OR2L8: variants seen among roughly 807,000 people sequenced by gnomAD.
OR2L8 encodes olfactory receptor family 2 subfamily L member 8, also known as olfactory receptor 2L8.
For synonymous variants in OR2L8, 123 were observed against 138.6 expected (o/e 0.89, Z 0.79); for missense variants, 324 against 376.0 (o/e 0.86, Z 1.14).
At position 247,949,100 on chromosome 1, in the gene OR2L8, A is replaced by G. The variant is rs774263539; in HGVS notation, c.243A>G (p.Ala81=). The G allele has an allele frequency of 4.3e-6, 7 of 1,613,936 alleles. No individual in the cohort carries two copies. In the South Asian group the frequency reaches 4.4e-5, roughly 10 times the overall value. Residue 81 remains alanine (A), a synonymous_variant, in exon 1 of 1, where the codon GCA becomes GCG. Transcript: ENST00000623922. ...TCTCCACCATTGTTCCTAAGATGGC[A>G]TCTGATTTTCTGCATGGAAACAAGT... ...NYISTIVPKM[A]SDFLHGNKSI... is the part of the protein sequence containing the mutation.
At position 247,949,476 on chromosome 1, in the gene OR2L8, G is replaced by A. The variant is rs752652236; in HGVS notation, c.619G>A (p.Val207Met). Residue 207 changes from valine (V) to methionine (M), a missense_variant, in exon 1 of 1, where the codon GTG becomes ATG. Val to Met is a conservative substitution (Grantham distance 21, BLOSUM62 1). Coordinates refer to ENST00000623922, the MANE Select transcript of OR2L8 (RefSeq NM_001001963.1). ...TVFLSATIFL[V>M]FPFIGISCSY... ...GTTTTTGAGTGCCACCATCTTTCTC[G>A]TGTTTCCCTTCATTGGTATTTCATG... 46 of 1,609,484 alleles carry A rather than the reference G, an allele frequency of 2.9e-5. No individual in the cohort carries two copies. The highest frequency in any genetic ancestry group is 1.7e-4 in the African/African-American group (13 of 74,916).
At position 247,949,101 on chromosome 1, in the gene OR2L8, T is replaced by A. The variant is rs759096219; in HGVS notation, c.244T>A (p.Ser82Thr). 1.9e-6 allele frequency: 3 copies of A among 1,613,948 alleles called. No homozygotes were observed. The highest frequency in any genetic ancestry group is 2.5e-6 in the Non-Finnish European group (3 of 1,179,852). Residue 82 changes from serine (S) to threonine (T), a missense_variant, in exon 1 of 1, where the codon TCT becomes ACT. Ser to Thr is a moderately conservative substitution (Grantham distance 58, BLOSUM62 1). Transcript: ENST00000623922. ...YISTIVPKMA[S>T]DFLHGNKSIS... ...CTCCACCATTGTTCCTAAGATGGCA[T>A]CTGATTTTCTGCATGGAAACAAGTC...
chr1:247,949,773 A>T lies in OR2L8; in HGVS notation c.916A>T (p.Arg306Ter). The change falls in exon 1 of 1, where the codon AGA becomes TGA. Residue 306 changes from arginine to a stop codon, truncating the protein, a stop_gained. Coordinates refer to ENST00000623922, the MANE Select transcript of OR2L8 (RefSeq NM_001001963.1). LOFTEE classifies it low-confidence loss of function (END_TRUNC). ...GGGGGCCCTGACACGAGTGAGTCAG[A>T]GAATCTGCTCTGTGAAAATGTAGAA... is the stretch of plus-strand genomic sequence containing the variant. ...VMGALTRVSQ[R>*]ICSVKM 6.2e-7 allele frequency: 1 copy of T among 1,611,924 alleles called. No individual in the cohort carries two copies.
At position 247,949,526 on chromosome 1, in the gene OR2L8, T is replaced by C. The variant is rs1332060869; in HGVS notation, c.669T>C (p.Ala223=). 1.2e-6 allele frequency: 2 copies of C among 1,613,992 alleles called. No individual in the cohort carries two copies. The highest frequency in any genetic ancestry group is 1.7e-6 in the Non-Finnish European group (2 of 1,179,996). ...GTTCCTATGGCCAGGTTCTCTTTGC[T>C]GTCTACCACATGAAATCTGCAGAAG... is the stretch of plus-strand genomic sequence containing the variant. ...ISCSYGQVLF[A]VYHMKSAEGR... The change falls in exon 1 of 1, where the codon GCT becomes GCC. Residue 223 remains alanine, a synonymous_variant. Transcript: ENST00000623922.
chr1:247,949,158 T>G lies in OR2L8; in HGVS notation c.301T>G (p.Phe101Val). 6.8e-6 allele frequency: 11 copies of G among 1,614,116 alleles called. No individual in the cohort carries two copies. Among genetic ancestry groups the G allele is most frequent in the Non-Finnish European group, 9.3e-6 (11 of 1,179,984 alleles). The change falls in exon 1 of 1, where the codon TTC (phenylalanine) becomes GTC (valine). Residue 101 changes from phenylalanine (F) to valine (V), a missense_variant. Physicochemically the swap from Phe to Val is conservative, Grantham distance 50. Coordinates refer to ENST00000623922, the MANE Select transcript of OR2L8 (RefSeq NM_001001963.1). ...ISFTGCGIQSFFFLALGGAEA... is the reference protein window; with the variant it reads ...ISFTGCGIQSVFFLALGGAEA... ...CTTCACTGGGTGTGGGATTCAGAGT[T>G]TCTTCTTCTTGGCATTAGGAGGTGC...
In OR2L8 at chr1:247,948,948, G is replaced by A. The variant is rs1322592334; in HGVS notation, c.91G>A (p.Val31Ile). The stretch of plus-strand genomic sequence containing the variant: ...TGACCTTTTCTTCTTCATTCTCATT[G>A]TTTTCATTTTCCTGATGGCTCTAAT... ...RIDLFFFILIVFIFLMALIGN... is the reference protein window; with the variant it reads ...RIDLFFFILIIFIFLMALIGN... Residue 31 changes from valine (V) to isoleucine (I), a missense_variant, in exon 1 of 1, where the codon GTT (valine) becomes ATT (isoleucine). By Grantham distance (29) the Val-to-Ile change is conservative. Transcript: ENST00000623922. 6.2e-7 allele frequency: 1 copy of A among 1,613,726 alleles called. No individual in the cohort carries two copies.
rs762902268 is a variant in OR2L8 at position 247,948,980 on chromosome 1, C to T, written c.123C>T (p.Asn41=). 17 of 1,613,812 alleles carry T rather than the reference C, an allele frequency of 1.1e-5. No individual in the cohort carries two copies. The South Asian group carries it at 1.9e-4, about 18-fold the overall frequency. Residue 41 remains asparagine (N), a synonymous_variant, in exon 1 of 1, where the codon AAC becomes AAT. Transcript: ENST00000623922. ...VFIFLMALIG[N]LSMILLIFLD... is the part of the protein sequence containing the mutation. ...TTTTCCTGATGGCTCTAATTGGAAA[C>T]CTGTCCATGATTCTTCTCATCTTCT...
chr1:247,949,015 A>G lies in OR2L8; in HGVS notation c.158A>G (p.His53Arg), dbSNP rs1387968729. The change falls in exon 1 of 1, where the codon CAT (histidine) becomes CGT (arginine). Residue 53 changes from histidine to arginine, a missense_variant. Physicochemically the swap from His to Arg is conservative, Grantham distance 29. Transcript: ENST00000623922. Reference sequence around the variant, plus strand: ...ATTCTTCTCATCTTCTTGGACACCCATCTCCACACACCCATGTATTTCCTA... The same window carrying G: ...ATTCTTCTCATCTTCTTGGACACCCGTCTCCACACACCCATGTATTTCCTA... Reference protein sequence around the residue: ...SMILLIFLDTHLHTPMYFLLS... With the variant: ...SMILLIFLDTRLHTPMYFLLS... 3 of 1,613,824 alleles carry G rather than the reference A, an allele frequency of 1.9e-6. No individual in the cohort carries two copies. The highest frequency in any genetic ancestry group is 2.2e-5 in the East Asian group (1 of 44,878).
Position 247,949,272 on chromosome 1 carries a change from G to T in OR2L8, c.415G>T (p.Val139Leu), listed in dbSNP as rs760286360. 14 of 1,614,020 alleles carry T rather than the reference G, an allele frequency of 8.7e-6. No homozygotes were observed. The South Asian group carries it at 1.4e-4, about 16-fold the overall frequency. ...LHYLIRMSKR[V>L]CVLMITGSWI... Reference sequence around the variant, plus strand: ...CTATCTCATCCGCATGAGCAAAAGAGTGTGTGTGCTGATGATAACAGGGTC... The same window carrying T: ...CTATCTCATCCGCATGAGCAAAAGATTGTGTGTGCTGATGATAACAGGGTC... The change falls in exon 1 of 1, where the codon GTG becomes TTG. Residue 139 changes from valine (V) to leucine (L), a missense_variant. Coordinates refer to ENST00000623922, the MANE Select transcript of OR2L8 (RefSeq NM_001001963.1).
Position 247,949,335 on chromosome 1 carries a change from G to C in OR2L8, c.478G>C (p.Val160Leu), listed in dbSNP as rs1384148719. 5 of 1,614,040 alleles carry C rather than the reference G, an allele frequency of 3.1e-6. No homozygotes were observed. The African/African-American group carries it at 6.7e-5, about 22-fold the overall frequency. The change falls in exon 1 of 1, where the codon GTA becomes CTA. Residue 160 changes from valine (V) to leucine (L), a missense_variant. By Grantham distance (32) the Val-to-Leu change is conservative. Transcript: ENST00000623922. ...IGSINACAHT[V>L]YVLHIPYCRS... ...CTCGATCAATGCTTGTGCTCACACT[G>C]TATATGTACTCCATATTCCTTATTG...
At position 247,949,168 on chromosome 1, in the gene OR2L8, T is replaced by G. The variant is rs140224206; in HGVS notation, c.311T>G (p.Leu104Trp). 1 of 1,613,990 alleles carries G rather than the reference T, an allele frequency of 6.2e-7. No individual in the cohort carries two copies. Among genetic ancestry groups the G allele is most frequent in the Non-Finnish European group, 8.5e-7 (1 of 1,179,964 alleles). Reference sequence around the variant, plus strand: ...TGTGGGATTCAGAGTTTCTTCTTCTTGGCATTAGGAGGTGCAGAAGCACTA... The same window carrying G: ...TGTGGGATTCAGAGTTTCTTCTTCTGGGCATTAGGAGGTGCAGAAGCACTA... ...TGCGIQSFFF[L>W]ALGGAEALLL... is the part of the protein sequence containing the mutation. Residue 104 changes from leucine to tryptophan, a missense_variant, in exon 1 of 1, where the codon TTG becomes TGG. Coordinates refer to ENST00000623922, the MANE Select transcript of OR2L8 (RefSeq NM_001001963.1).
At position 247,949,258 on chromosome 1, in the gene OR2L8, G is replaced by T. The variant is rs57818366; in HGVS notation, c.401G>T (p.Arg134Leu). 1,845 of 1,614,124 alleles carry T rather than the reference G, an allele frequency of 1.1e-3. 18 individuals carry two copies. Among genetic ancestry groups the T allele is most frequent in the Non-Finnish European group, 4.5e-4 (528 of 1,180,008 alleles). Residue 134 changes from arginine (R) to leucine (L), a missense_variant, in exon 1 of 1, where the codon CGC becomes CTC. Arg to Leu is a moderately radical substitution (Grantham distance 102). Transcript: ENST00000623922. The part of the protein sequence containing the change: ...AICFPLHYLI[R>L]MSKRVCVLMI... ...TGCTTTCCTCTCCACTATCTCATCC[G>T]CATGAGCAAAAGAGTGTGTGTGCTG...
chr1:247,949,593 G>A lies in OR2L8; in HGVS notation c.736G>A (p.Val246Ile), dbSNP rs371086314. The A allele has an allele frequency of 2.5e-5, 41 of 1,613,916 alleles. No homozygotes were observed. Among genetic ancestry groups the A allele is most frequent in the Non-Finnish European group, 3.1e-5 (37 of 1,179,980 alleles). The stretch of plus-strand genomic sequence containing the variant: ...TTTGACCTGCAGCACCCACCTCACT[G>A]TAGTAACTTTCTACTATGCACCTTT... ...AYLTCSTHLTVVTFYYAPFVY... is the reference protein window; with the variant it reads ...AYLTCSTHLTIVTFYYAPFVY... Residue 246 changes from valine to isoleucine, a missense_variant, in exon 1 of 1, where the codon GTA (valine) becomes ATA (isoleucine). Val to Ile is a conservative substitution (Grantham distance 29). Coordinates refer to ENST00000623922, the MANE Select transcript of OR2L8 (RefSeq NM_001001963.1).
In OR2L8 at chr1:247,949,503, T is replaced by C; in HGVS notation, c.646T>C (p.Ser216Pro). Residue 216 changes from serine to proline, a missense_variant, in exon 1 of 1, where the codon TCC (serine) becomes CCC (proline). Coordinates refer to ENST00000623922, the MANE Select transcript of OR2L8 (RefSeq NM_001001963.1). ...GTTTCCCTTCATTGGTATTTCATGT[T>C]CCTATGGCCAGGTTCTCTTTGCTGT... The part of the protein sequence containing the change: ...LVFPFIGISC[S>P]YGQVLFAVYH... The C allele has an allele frequency of 6.2e-7, 1 of 1,613,838 alleles. No individual in the cohort carries two copies. Among genetic ancestry groups the C allele is most frequent in the Non-Finnish European group, 8.5e-7 (1 of 1,179,730 alleles).
rs538787027 is a variant in OR2L8, at chr1:247,948,891, A to G, written c.34A>G (p.Ile12Val). ...TTACAATCAAACATCAACTGATTTC[A>G]TCTTATTGGGGCTGTTTCCACCATC... The part of the protein sequence containing the change: ...ENYNQTSTDF[I>V]LLGLFPPSRI... Residue 12 changes from isoleucine to valine, a missense_variant, in exon 1 of 1, where the codon ATC (isoleucine) becomes GTC (valine). Coordinates refer to ENST00000623922, the MANE Select transcript of OR2L8 (RefSeq NM_001001963.1). 3.1e-6 allele frequency: 5 copies of G among 1,611,766 alleles called. No homozygotes were observed. Among genetic ancestry groups the G allele is most frequent in the African/African-American group, 1.3e-5 (1 of 74,802 alleles).
Position 247,949,249 on chromosome 1 carries a change from A to C in OR2L8, c.392A>C (p.Tyr131Ser), listed in dbSNP as rs751730013. 1.2e-6 allele frequency: 2 copies of C among 1,614,062 alleles called. No homozygotes were observed. Among genetic ancestry groups the C allele is most frequent in the African/African-American group, 1.3e-5 (1 of 74,930 alleles). Residue 131 changes from tyrosine (Y) to serine (S), a missense_variant, in exon 1 of 1, where the codon TAT becomes TCT. Physicochemically the swap from Tyr to Ser is moderately radical, Grantham distance 144. Coordinates refer to ENST00000623922, the MANE Select transcript of OR2L8 (RefSeq NM_001001963.1). The part of the protein sequence containing the change: ...RYIAICFPLH[Y>S]LIRMSKRVCV... ...ATTGCTATTTGCTTTCCTCTCCACT[A>C]TCTCATCCGCATGAGCAAAAGAGTG...
At position 247,948,976 on chromosome 1, in the gene OR2L8, G is replaced by A; in HGVS notation, c.119G>A (p.Gly40Glu). The A allele has an allele frequency of 6.2e-7, 1 of 1,613,726 alleles. No individual in the cohort carries two copies. The highest frequency in any genetic ancestry group is 8.5e-7 in the Non-Finnish European group (1 of 1,179,804). The change falls in exon 1 of 1, where the codon GGA (glycine) becomes GAA (glutamate). Residue 40 changes from glycine to glutamate, a missense_variant. Physicochemically the swap from Gly to Glu is moderately conservative, Grantham distance 98 (BLOSUM62 -2). Transcript: ENST00000623922. ...TTCATTTTCCTGATGGCTCTAATTG[G>A]AAACCTGTCCATGATTCTTCTCATC... ...IVFIFLMALI[G>E]NLSMILLIFL...
rs774704348 is a variant in OR2L8, at chr1:247,949,643, A to G, written c.786A>G (p.Arg262=). ...APFVYTYLRP[R]SLRSPTEDKV... ...TTGTCTACACTTATCTACGTCCAAG[A>G]TCCCTGCGATCTCCAACAGAGGACA... Residue 262 remains arginine (R), a synonymous_variant, in exon 1 of 1, where the codon AGA becomes AGG. Transcript: ENST00000623922. 2 of 1,613,764 alleles carry G rather than the reference A, an allele frequency of 1.2e-6. No individual in the cohort carries two copies. The highest frequency in any genetic ancestry group is 1.3e-5 in the African/African-American group (1 of 74,890).
Position 247,949,680 on chromosome 1 carries a change from G to T in OR2L8, c.823G>T (p.Val275Phe), listed in dbSNP as rs181223905. ...RSPTEDKVLA[V>F]FYTILTPMLN... ...TCCAACAGAGGACAAGGTTCTGGCT[G>T]TCTTCTACACCATCCTCACCCCAAT... The change falls in exon 1 of 1, where the codon GTC (valine) becomes TTC (phenylalanine). Residue 275 changes from valine (V) to phenylalanine (F), a missense_variant. Coordinates refer to ENST00000623922, the MANE Select transcript of OR2L8 (RefSeq NM_001001963.1). 1 of 1,613,908 alleles carries T rather than the reference G, an allele frequency of 6.2e-7. No individual in the cohort carries two copies. The highest frequency in any genetic ancestry group is 8.5e-7 in the Non-Finnish European group (1 of 1,179,858).
Sources: gnomAD v4.1 joint callset for allele counts on GRCh38, gnomAD v4.1.1 for gene constraint, MANE v1.5 for transcripts, NCBI Gene and HGNC (gene_info 2026-07-23, HGNC 2026-07-21) for gene names.